Variants in DNAJC1 observed in about 807,000 individuals in gnomAD.
DNAJC1 encodes the protein DnaJ heat shock protein family (Hsp40) member C1, also known as dnaJ homolog subfamily C member 1.
A neutral mutation model predicts 76.6 loss-of-function variants in DNAJC1; 58 were observed. The observed-to-expected ratio is 0.76, with a 90% CI of 0.61 to 0.94. The LOEUF (loss-of-function observed/expected upper bound fraction) is 0.94, where lower values mean the gene tolerates loss of function less well. Ranked by LOEUF, DNAJC1 falls within the 40% of genes least tolerant of loss-of-function variation. DNAJC1 has a pLI of 0.00. For synonymous variants in DNAJC1, 258 were observed against 267.9 expected, an observed-to-expected ratio of 0.96 and a Z score of 0.36; for missense variants, 689 against 677.3, an observed-to-expected ratio of 1.02 and a Z score of -0.19.
chr10:21,887,658 T>A (rs1367495904), intron 7 of DNAJC1, among the ~76,000 whole-genome samples: 1 of 152,130 alleles, frequency 6.6e-6, no homozygotes, highest in Non-Finnish European at 1.5e-5. Flanking sequence ...ATTCAATAAG[T>A]GGTGCTGGAA....
At position 21,835,193 on chromosome 10, in the gene DNAJC1, C is replaced by A. The variant is rs1052372760; in HGVS notation, c.979-29094G>T. Reference sequence around the variant, plus strand: ...CCAATATCCGCTGTTCTGCAGCCACCGCTGCTGATACCCAGGCAAACAGGG... The same window carrying A: ...CCAATATCCGCTGTTCTGCAGCCACAGCTGCTGATACCCAGGCAAACAGGG... On this transcript the variant is annotated intron_variant, in intron 8 of 11. Transcript: ENST00000376980. 2.0e-5 allele frequency among the ~76,000 whole-genome samples: 3 copies of A among 152,294 alleles called. No homozygotes were observed. The East Asian group carries it at 5.8e-4, about 29-fold the overall frequency.
intron 8 of DNAJC1, chr10:21,860,747 G>A (rs908130051): frequency 4.3e-5 from 7 of 164,082 alleles, no homozygotes; most frequent in Non-Finnish European, 6.5e-5. Flanking sequence ...AACGTACCTA[G>A]AATTCAAGTC....
At chr10:21,852,087 TGA>T (rs1400514416) in intron 8 of DNAJC1, among the ~76,000 whole-genome samples, 54 of 78,132 alleles carry the variant, frequency 6.9e-4, no homozygotes, top group South Asian at 1.1e-3. Flanking sequence ...TAAAAAATTG[TGA>T]GATACACACA....
At chr10:21,808,401 A>T (rs556333149) in intron 8 of DNAJC1, among the ~76,000 whole-genome samples, 1 of 152,298 alleles carries the variant, frequency 6.6e-6, no homozygotes, top group African/African-American at 2.4e-5. Flanking sequence ...AATTTTATAT[A>T]AAGTATTTGG....
intron 8 of DNAJC1, among the ~76,000 whole-genome samples, chr10:21,831,059 C>T (rs1835349978): frequency 6.6e-6 from 1 of 152,022 alleles, no homozygotes; most frequent in Non-Finnish European, 1.5e-5. Flanking sequence ...TGCTGACTAC[C>T]CTCAAAGTTT....
In DNAJC1 at chr10:21,983,255, C is replaced by A. The variant is rs181648809; in HGVS notation, c.222+19958G>T. On this transcript the variant is annotated intron_variant, in intron 1 of 11. Transcript: ENST00000376980. ...CGGATAAATAAAAGTGGTATATACA[C>A]GCAATGGAATATTATTCAGCCTTAA... is the stretch of plus-strand genomic sequence containing the variant. Among the ~76,000 whole-genome samples, 340 of 152,084 alleles carry A rather than the reference C, an allele frequency of 2.2e-3. 3 individuals are homozygous for A. Among genetic ancestry groups the A allele is most frequent in the African/African-American group, 7.8e-3 (324 of 41,478 alleles).
intron 1 of DNAJC1, among the ~76,000 whole-genome samples, chr10:21,979,771 G>A (rs555252350): frequency 7.2e-4 from 109 of 151,148 alleles, no homozygotes; most frequent in Middle Eastern, 3.4e-3. Flanking sequence ...AAGGTACAAT[G>A]GATAAAACGA....
At chr10:21,926,108 C>T (rs954752382) in intron 3 of DNAJC1, among the ~76,000 whole-genome samples, 17 of 152,150 alleles carry the variant, frequency 1.1e-4, no homozygotes, top group African/African-American at 3.6e-4. Flanking sequence ...TGTGCCACCA[C>T]GCCAGGCTAA....
intron 1 of DNAJC1, among the ~76,000 whole-genome samples, chr10:21,950,337 G>C (rs978205076): frequency 1.3e-5 from 2 of 152,000 alleles, no homozygotes; most frequent in Admixed American, 1.3e-4. Flanking sequence ...TATTACCATT[G>C]TAATTATTTT....
At chr10:21,940,172 G>T (rs1479254824) in intron 1 of DNAJC1, among the ~76,000 whole-genome samples, 1 of 151,916 alleles carries the variant, frequency 6.6e-6, no homozygotes, top group Non-Finnish European at 1.5e-5. Context: ...AAAAGAAAAT[G>T]CTTTAGAAAT....
chr10:21,757,649 C>T (rs1018264524), intron 11 of DNAJC1, among the ~76,000 whole-genome samples: 23 of 152,322 alleles, frequency 1.5e-4, no homozygotes, highest in African/African-American at 4.8e-4. Flanking sequence ...AGTAGCTATG[C>T]TGTCCCTAAC....
chr10:21,906,966 TCC>T (rs1564823480), intron 6 of DNAJC1, among the ~76,000 whole-genome samples: 1 of 152,112 alleles, frequency 6.6e-6, no homozygotes, highest in African/African-American at 2.4e-5. Flanking sequence ...TCACCAAAAT[TCC>T]CCTGCCAAAT....
intron 1 of DNAJC1, among the ~76,000 whole-genome samples, chr10:22,001,414 G>C (rs1264135129): frequency 6.6e-6 from 1 of 152,110 alleles, no homozygotes; most frequent in East Asian, 1.9e-4. Flanking sequence ...AATTCCTCCT[G>C]GCATTCTTTC....
chr10:21,765,983 T>C (rs1270025749), intron 10 of DNAJC1, among the ~76,000 whole-genome samples: 1 of 152,210 alleles, frequency 6.6e-6, no homozygotes, highest in African/African-American at 2.4e-5. Context: ...GCAGATGGGC[T>C]TTCTCCTGTG....
intron 8 of DNAJC1, among the ~76,000 whole-genome samples, chr10:21,838,765 A>C (rs1835517762): frequency 6.6e-6 from 1 of 152,222 alleles, no homozygotes; most frequent in African/African-American, 2.4e-5. Context: ...AGACATCTAC[A>C]GAACTCTCCA....
intron 1 of DNAJC1, among the ~76,000 whole-genome samples, chr10:21,997,030 G>A (rs1838426882): frequency 6.6e-6 from 1 of 151,766 alleles, no homozygotes; most frequent in Non-Finnish European, 1.5e-5. Context: ...ATAAAAATGG[G>A]GAAGCTATTA....
intron 9 of DNAJC1, chr10:21,804,055 A>C (rs1005131695): frequency 1.5e-6 from 1 of 663,142 alleles, no homozygotes; most frequent in Non-Finnish European, 1.9e-6. Flanking sequence ...TGACAGCACC[A>C]AGACTACTCT....
intron 8 of DNAJC1, among the ~76,000 whole-genome samples, chr10:21,810,212 C>A (rs1834942506): frequency 6.6e-6 from 1 of 152,150 alleles, no homozygotes; most frequent in African/African-American, 2.4e-5. Context: ...TTTGGCCCAA[C>A]TGGTTTTTCA....
rs61757220 is a variant in DNAJC1 at position 21,759,326 on chromosome 10, G to A, written c.1440C>T (p.Ser480=). The A allele has an allele frequency of 1.4e-5, 22 of 1,614,166 alleles. No individual in the cohort carries two copies. The highest frequency in any genetic ancestry group is 1.7e-5 in the Admixed American group (1 of 60,022). The change falls in exon 11 of 12, where the codon AGC becomes AGT. Residue 480 remains serine (S), a synonymous_variant. Coordinates refer to ENST00000376980, the MANE Select transcript of DNAJC1 (RefSeq NM_022365.4). ...DFDIAEQNES[S]DEESLRKERA... Reference sequence around the variant, plus strand: ...TCTCTTTTCTCAGGCTCTCCTCGTCGCTGGACTCGTTTTGTTCTGCTATGT... The same window carrying A: ...TCTCTTTTCTCAGGCTCTCCTCGTCACTGGACTCGTTTTGTTCTGCTATGT...
Sources: allele counts gnomAD v4.1 joint callset (sites outside exome capture counted in the v4.1 genomes callset), GRCh38; gene constraint gnomAD v4.1.1; transcripts MANE v1.5; gene names NCBI Gene and HGNC (gene_info 2026-07-23, HGNC 2026-07-21).